STAU2: variants seen among roughly 807,000 people sequenced by gnomAD.
The protein encoded by STAU2 is double-stranded RNA-binding protein Staufen homolog 2.
STAU2 carries 20 observed loss-of-function variants against 65.9 expected under a neutral mutation model. The observed-to-expected ratio is 0.30, with a 90% CI of 0.21 to 0.44. The LOEUF is 0.44. STAU2 is among the 20% of genes least tolerant of loss of function. The pLI, the probability that STAU2 is intolerant of heterozygous loss-of-function variation, is 1.00. For synonymous variants in STAU2, 232 were observed against 233.9 expected (o/e 0.99, Z 0.07); for missense variants, 558 against 683.9 (o/e 0.82, Z 2.05).
intron 13 of STAU2, among the ~76,000 whole-genome samples, chr8:73,521,329 C>T (rs891952107): frequency 7.2e-5 from 11 of 152,170 alleles, no homozygotes; most frequent in Non-Finnish European, 1.6e-4. Context: ...AACAATTCAG[C>T]TTAATTTTAC....
chr8:73,638,056 T>C, intron 6 of STAU2, among the ~76,000 whole-genome samples: 2 of 152,216 alleles, frequency 1.3e-5, no homozygotes, highest in East Asian at 3.8e-4. Context: ...AATGATACTT[T>C]CTTAAAGTAA....
At chr8:73,686,545 C>T (rs143915218) in intron 5 of STAU2, among the ~76,000 whole-genome samples, 40,165 of 146,220 alleles carry the variant, frequency 0.27, 6,036 homozygotes, top group East Asian at 0.45. Context: ...CGAGACTCCC[C>T]CTCAAAAAAA....
At chr8:73,424,431 C>A (rs538355356) in intron 13 of STAU2, among the ~76,000 whole-genome samples, 1 of 152,140 alleles carries the variant, frequency 6.6e-6, no homozygotes, top group East Asian at 2.0e-4. Flanking sequence ...GAACTCCTGA[C>A]CTCGGGTGAT....
At chr8:73,550,535 A>G in intron 13 of STAU2, 1 of 984,686 alleles carries the variant, frequency 1.0e-6, no homozygotes, top group South Asian at 4.7e-5. Flanking sequence ...AGATTCATAA[A>G]TAAGCAGTTA....
chr8:73,548,435 A>G (rs1358643088), intron 13 of STAU2, among the ~76,000 whole-genome samples: 1 of 152,080 alleles, frequency 6.6e-6, no homozygotes, highest in African/African-American at 2.4e-5. Flanking sequence ...ATACTAAGTC[A>G]TATTGTTAAA....
intron 13 of STAU2, among the ~76,000 whole-genome samples, chr8:73,482,829 GT>G (rs1281205706): frequency 2.6e-5 from 4 of 152,104 alleles, no homozygotes; most frequent in Non-Finnish European, 5.9e-5. Context: ...GCAGGATCAT[GT>G]TGAGAAATTA....
intron 10 of STAU2, among the ~76,000 whole-genome samples, chr8:73,598,636 A>G (rs1054169497): frequency 1.3e-5 from 2 of 152,208 alleles, no homozygotes; most frequent in Non-Finnish European, 2.9e-5. Flanking sequence ...CAAGACAAGG[A>G]TGTTCCCTAT....
chr8:73,619,041 T>G (rs900568657), intron 6 of STAU2, among the ~76,000 whole-genome samples: 1 of 151,452 alleles, frequency 6.6e-6, no homozygotes, highest in East Asian at 2.0e-4. Flanking sequence ...AGATGTCAAC[T>G]GGACAACTGA....
At position 73,509,819 on chromosome 8, in the gene STAU2, A is replaced by G. The variant is rs903265724; in HGVS notation, c.1530+42193T>C. ...AGATGAGAGATTTCTTCAATATACAACTGGTAAAAAAAAATTAAGAATAAT... is the reference window on the plus strand; with the variant it reads ...AGATGAGAGATTTCTTCAATATACAGCTGGTAAAAAAAAATTAAGAATAAT... On this transcript the variant is annotated intron_variant, in intron 13 of 14. Transcript: ENST00000524300. 5.9e-5 allele frequency among the ~76,000 whole-genome samples: 9 copies of G among 151,496 alleles called. No individual in the cohort carries two copies. The East Asian group carries it at 1.2e-3, about 19-fold the overall frequency.
intron 6 of STAU2, among the ~76,000 whole-genome samples, chr8:73,636,454 T>G (rs553585655): frequency 6.6e-6 from 1 of 152,098 alleles, no homozygotes; most frequent in Non-Finnish European, 1.5e-5. Context: ...AATTTTACAA[T>G]GTCCAGAATA....
intron 13 of STAU2, among the ~76,000 whole-genome samples, chr8:73,495,327 T>A (rs1009778293): frequency 6.6e-6 from 1 of 151,488 alleles, no homozygotes; most frequent in Non-Finnish European, 1.5e-5. Context: ...CTGAGCATCA[T>A]ATATCAAATA....
intron 6 of STAU2, among the ~76,000 whole-genome samples, chr8:73,617,745 T>A (rs1812934164): frequency 6.6e-6 from 1 of 152,186 alleles, no homozygotes; most frequent in African/African-American, 2.4e-5. Context: ...TCGGTCAGAT[T>A]TTGACAGAAG....
At chr8:73,575,891 A>C (rs900696389) in intron 12 of STAU2, among the ~76,000 whole-genome samples, 1 of 152,078 alleles carries the variant, frequency 6.6e-6, no homozygotes, top group Non-Finnish European at 1.5e-5. Flanking sequence ...AAATACGGAG[A>C]GCTGTTTTGC....
intron 4 of STAU2, among the ~76,000 whole-genome samples, chr8:73,704,095 T>G (rs1820318817): frequency 6.6e-6 from 1 of 152,182 alleles, no homozygotes; most frequent in Non-Finnish European, 1.5e-5. Flanking sequence ...GCCTGAAAAT[T>G]ATGTATTCAA....
intron 13 of STAU2, among the ~76,000 whole-genome samples, chr8:73,525,509 G>T (rs1280153798): frequency 2.0e-5 from 3 of 152,110 alleles, no homozygotes; most frequent in Non-Finnish European, 4.4e-5. Flanking sequence ...ATAGGAACTT[G>T]GCACAAGCCC....
chr8:73,693,080 G>C (rs1472572308), intron 4 of STAU2, among the ~76,000 whole-genome samples: 1 of 152,068 alleles, frequency 6.6e-6, no homozygotes, highest in Admixed American at 6.5e-5. Context: ...GGGATCCCTT[G>C]AGCCCAGGAG....
At chr8:73,439,155 C>T in intron 13 of STAU2, 1 of 412,040 alleles carries the variant, frequency 2.4e-6, no homozygotes, top group Admixed American at 2.6e-5. Context: ...CTAAGTGTAG[C>T]ATCTGTTAAC....
At chr8:73,707,670 T>G (rs1820607817) in intron 4 of STAU2, among the ~76,000 whole-genome samples, 1 of 152,078 alleles carries the variant, frequency 6.6e-6, no homozygotes, top group South Asian at 2.1e-4. Context: ...TACCTGGAAT[T>G]GGCAATGAGG....
At chr8:73,422,489 GTAT>G (rs1349761554) in intron 14 of STAU2, 122 bp downstream of exon 14, 16 of 667,490 alleles carry the variant, frequency 2.4e-5, no homozygotes, top group African/African-American at 1.9e-5. Flanking sequence ...ACATTTAATT[GTAT>G]TATTAATAAT....
Sources: gnomAD v4.1 joint callset for allele counts (sites outside exome capture counted in the v4.1 genomes callset) on GRCh38, gnomAD v4.1.1 for gene constraint, MANE v1.5 for transcripts, NCBI Gene and HGNC (gene_info 2026-07-23, HGNC 2026-07-21) for gene names.